DHODH: variants seen among roughly 807,000 people sequenced by gnomAD.
The protein encoded by DHODH is dihydroorotate dehydrogenase (quinone).
In DHODH, 30 loss-of-function variants were observed where a neutral mutation model predicts 39.7. The ratio of observed to expected loss-of-function variants is 0.76; its 90% CI spans 0.57 to 1.02. The LOEUF is 1.02. Among genes scored for constraint, DHODH ranks in the 50% least tolerant of loss-of-function variants. The pLI is 0.00. For missense variants in DHODH, 531 were observed against 520.8 expected, an observed-to-expected ratio of 1.02 and a Z score of -0.19; for synonymous variants, 222 against 213.8, an observed-to-expected ratio of 1.04 and a Z score of -0.34.
intron 3 of DHODH, chr16:72,016,625 AAG>A (rs773040238): frequency 1.1e-4 from 36 of 342,742 alleles, no homozygotes; most frequent in Non-Finnish European, 1.7e-4. Flanking sequence ...CTGAGCTAGG[AAG>A]AGAGGTGATT....
intron 3 of DHODH, among the ~76,000 whole-genome samples, chr16:72,015,010 C>T (rs2041126633): frequency 6.6e-6 from 1 of 152,156 alleles, no homozygotes. Context: ...TTCTCCAATG[C>T]TCTTACTCGA....
intron 1 of DHODH, 92 bp from the exon 2 acceptor site, chr16:72,011,958 C>A: frequency 2.0e-6 from 2 of 997,160 alleles, no homozygotes; most frequent in African/African-American, 1.6e-5. Flanking sequence ...TGTGACCTGC[C>A]GTTATGCCCT....
chr16:72,020,369 ATATT>A lies in DHODH; in HGVS notation c.518-753_518-750del, dbSNP rs1450593141. ...TATATATATATGTGTATATATATAT[ATATT>A]TTTTTTTTTTTTCTTTTTTTTGAGA... On this transcript the variant is annotated intron_variant, in intron 4 of 8. Transcript: ENST00000219240. 391 of 72,286 alleles carry A rather than the reference ATATT, an allele frequency of 5.4e-3. 8 individuals are homozygous for A. The highest frequency in any genetic ancestry group is 0.022 in the African/African-American group (370 of 17,200). The allele number at this position is 72,286 out of a possible 1,614,324, so 4.5% of individuals were successfully genotyped here.
At position 72,011,954 on chromosome 16, in the gene DHODH, C is replaced by T. The variant is rs2041086024; in HGVS notation, c.22-96C>T. On this transcript the variant is annotated intron_variant, in intron 1 of 8. Transcript: ENST00000219240. ...GCTAAGGGCGTCTGTTTCATGTGAC[C>T]TGCCGTTATGCCCTCTGTGTACCTG... The T allele has an allele frequency of 4.2e-6, 4 of 962,938 alleles. No individual in the cohort carries two copies. In the African/African-American group the frequency reaches 4.8e-5, roughly 12 times the overall value. The allele number at this position is 962,938 out of a possible 1,614,324, so 59.6% of individuals were successfully genotyped here. A position where few individuals can be genotyped will look rare whatever the true frequency, so the allele number is the denominator to read the frequency against.
intron 5 of DHODH, among the ~76,000 whole-genome samples, chr16:72,021,941 A>C (rs1428969896): frequency 1.3e-5 from 2 of 152,044 alleles, no homozygotes; most frequent in African/African-American, 4.8e-5. Context: ...AGAAATACAG[A>C]AATTAGCTGG....
chr16:72,015,912 A>T, intron 3 of DHODH: 1 of 979,126 alleles, frequency 1.0e-6, no homozygotes, highest in Non-Finnish European at 1.2e-6. Flanking sequence ...GTCATCAGAT[A>T]TGTGTGCCAG....
intron 2 of DHODH, 56 bp downstream of exon 2, chr16:72,012,318 T>C: frequency 6.6e-7 from 1 of 1,517,474 alleles, no homozygotes; most frequent in Non-Finnish European, 9.1e-7. Flanking sequence ...TGCAGTCCCC[T>C]AAACTTCTCA....
intron 5 of DHODH, among the ~76,000 whole-genome samples, chr16:72,021,750 A>G (rs2081222): frequency 0.58 from 87,448 of 152,012 alleles, 25,520 homozygotes; most frequent in South Asian, 0.68. Context: ...ATCACTTATA[A>G]CCCAGGAATT....
At chr16:72,013,193 A>G (rs1243960270) in intron 2 of DHODH, among the ~76,000 whole-genome samples, 2 of 151,246 alleles carry the variant, frequency 1.3e-5, no homozygotes, top group Admixed American at 6.5e-5. Flanking sequence ...GGTGTTGAGC[A>G]GACGTGTCAT....
At chr16:72,022,827 A>C (rs2041235454) in intron 6 of DHODH, among the ~76,000 whole-genome samples, 1 of 152,128 alleles carries the variant, frequency 6.6e-6, no homozygotes, top group Non-Finnish European at 1.5e-5. Flanking sequence ...AGAGTAGTGG[A>C]AACAGACTGA....
chr16:72,021,297 C>T lies in DHODH; in HGVS notation c.691C>T (p.Arg231Cys), dbSNP rs372694919. 2.3e-5 allele frequency: 37 copies of T among 1,607,158 alleles called. No individual in the cohort carries two copies. The highest frequency in any genetic ancestry group is 5.0e-5 in the Admixed American group (3 of 59,428). Reference protein sequence around the residue: ...RSLQGKAELRRLLTKVLQERD... With the variant: ...RSLQGKAELRCLLTKVLQERD... ...CCTTCAGGGAAAGGCCGAGCTGCGC[C>T]GCCTGCTGACCAAGGTGGGCAGCTG... Residue 231 changes from arginine to cysteine, a missense_variant, in exon 5 of 9, where the codon CGC becomes TGC. Physicochemically the swap from Arg to Cys is radical, Grantham distance 180. Transcript: ENST00000219240.
In DHODH at chr16:72,025,484, A is replaced by G. The variant is rs1470743137; in HGVS notation, c.*1285A>G. 6.6e-6 allele frequency: 1 copy of G among 152,074 alleles called. No individual in the cohort carries two copies. Among genetic ancestry groups the G allele is most frequent in the Non-Finnish European group, 1.5e-5 (1 of 68,024 alleles). 9.4% of individuals were successfully genotyped at this position (152,074 alleles called of 1,614,324 possible). A position where few individuals can be genotyped will look rare whatever the true frequency, so the allele number is the denominator to read the frequency against. On this transcript the variant is annotated 3_prime_UTR_variant, in exon 9 of 9. Transcript: ENST00000219240. Reference sequence around the variant, plus strand: ...TCGGTCTTTTGAGTGGGGTCTGTTTACCCAGTCCCCTGTTGGTGATCACAT... The same window carrying G: ...TCGGTCTTTTGAGTGGGGTCTGTTTGCCCAGTCCCCTGTTGGTGATCACAT...
At chr16:72,011,497 G>A (rs2041081039) in intron 1 of DHODH, among the ~76,000 whole-genome samples, 1 of 152,208 alleles carries the variant, frequency 6.6e-6, no homozygotes, top group African/African-American at 2.4e-5. Context: ...TGGGCTTGGT[G>A]GCATGTGCCT....
intron 8 of DHODH, 47 bp from the exon 9 acceptor site, chr16:72,024,098 C>G (rs1304952240): frequency 6.2e-7 from 1 of 1,606,600 alleles, no homozygotes; most frequent in African/African-American, 1.3e-5. Flanking sequence ...AGAGCAGGGC[C>G]TGTTCTCCAC....
chr16:72,017,637 C>T (rs1008411005), intron 4 of DHODH, among the ~76,000 whole-genome samples: 3 of 152,092 alleles, frequency 2.0e-5, no homozygotes, highest in African/African-American at 4.8e-5. Flanking sequence ...ATTTTTGGTT[C>T]GGGACAGTTC....
At position 72,012,224 on chromosome 16, in the gene DHODH, C is replaced by T. The variant is rs778771847; in HGVS notation, c.196C>T (p.Leu66Phe). 1.9e-6 allele frequency: 3 copies of T among 1,613,996 alleles called. No individual in the cohort carries two copies. The highest frequency in any genetic ancestry group is 2.7e-5 in the African/African-American group (2 of 74,910). Residue 66 changes from leucine (L) to phenylalanine (F), a missense_variant, in exon 2 of 9, where the codon CTC becomes TTC. Transcript: ENST00000219240. ...GGCTGTTCGCTTCACCTCCCTGGGGCTCCTTCCACGGGCCAGATTTCAAGA... is the reference window on the plus strand; with the variant it reads ...GGCTGTTCGCTTCACCTCCCTGGGGTTCCTTCCACGGGCCAGATTTCAAGA... ...RLAVRFTSLG[L>F]LPRARFQDSD...
At chr16:72,017,131 CCTTT>C (rs2041150868) in intron 4 of DHODH, 25 bp downstream of exon 4, 1 of 1,607,268 alleles carries the variant, frequency 6.2e-7, no homozygotes, top group South Asian at 1.1e-5. Flanking sequence ...TGTCAGTGGG[CCTTT>C]CTTATTTATT....
In DHODH at chr16:72,024,305, C is replaced by G. The variant is rs556857258; in HGVS notation, c.*106C>G. The G allele has an allele frequency of 1.1e-5, 14 of 1,261,926 alleles. No homozygotes were observed. In the East Asian group the frequency reaches 2.6e-4, roughly 23 times the overall value. 78.2% of individuals were successfully genotyped at this position (1,261,926 alleles called of 1,614,324 possible). ...GGACTCCATCTTGAGCCATGTCCCC[C>G]AGCCATGGCATGGCTGCACTGTAAA... is the stretch of plus-strand genomic sequence containing the variant. On this transcript the variant is annotated 3_prime_UTR_variant, in exon 9 of 9. Transcript: ENST00000219240.
At chr16:72,021,381 G>A in intron 5 of DHODH, 70 bp downstream of exon 5, 3 of 1,501,624 alleles carry the variant, frequency 2.0e-6, no homozygotes, top group South Asian at 2.4e-5. Flanking sequence ...TCATTCTCCA[G>A]GGCGAACCTT....
Sources: allele counts gnomAD v4.1 joint callset (sites outside exome capture counted in the v4.1 genomes callset), GRCh38; gene constraint gnomAD v4.1.1; transcripts MANE v1.5; gene names NCBI Gene and HGNC (gene_info 2026-07-23, HGNC 2026-07-21).